AHDC1: variants seen among roughly 807,000 people sequenced by gnomAD.
AHDC1 encodes the protein transcription factor Gibbin.
Under a neutral mutation model 87.9 loss-of-function variants are expected in AHDC1, and 7 were observed. That is an observed-to-expected ratio of 0.08 (90% CI 0.05 to 0.15). The LOEUF (loss-of-function observed/expected upper bound fraction) is 0.15, where lower values mean the gene tolerates loss of function less well. AHDC1 is among the 10% of genes least tolerant of loss of function. The pLI is 1.00. For synonymous variants in AHDC1, 1,051 were observed against 1,006.8 expected (o/e 1.04, Z -0.83); for missense variants, 1,841 against 2,253.2 (o/e 0.82, Z 3.70).
intron 3 of AHDC1, among the ~76,000 whole-genome samples, chr1:27,575,728 G>A (rs1005077205): frequency 2.0e-5 from 3 of 151,734 alleles, no homozygotes; most frequent in Non-Finnish European, 4.4e-5. Flanking sequence ...GGCCGGGCGG[G>A]GGCCAAGCCG....
chr1:27,578,570 C>T (rs2088821959), intron 3 of AHDC1, among the ~76,000 whole-genome samples: 1 of 150,790 alleles, frequency 6.6e-6, no homozygotes, highest in South Asian at 2.1e-4. Context: ...GTGAGGGCAA[C>T]AGAGCAAGAC....
chr1:27,567,405 G>A (rs2020369969), intron 3 of AHDC1, among the ~76,000 whole-genome samples: 1 of 152,164 alleles, frequency 6.6e-6, no homozygotes, highest in Non-Finnish European at 1.5e-5. Context: ...GGGGGGCTGA[G>A]GTCTGCATCG....
rs989896087 is a variant in AHDC1 at position 27,565,321 on chromosome 1, A to G, written c.-628-6438T>C. 6.6e-6 allele frequency among the ~76,000 whole-genome samples: 1 copy of G among 151,632 alleles called. No individual in the cohort carries two copies. Among genetic ancestry groups the G allele is most frequent in the Non-Finnish European group, 1.5e-5 (1 of 67,872 alleles). On this transcript the variant is annotated intron_variant, in intron 3 of 8. Transcript: ENST00000673934. This position sits in a 1 kb window ranked among gnomAD's most constrained non-coding sequence, Gnocchi z 4.6. ...GGTCTGCCTGACCAGGCCTCACCACACCCAGAGGTGAGGCCTGACTCCCCT... is the reference window on the plus strand; with the variant it reads ...GGTCTGCCTGACCAGGCCTCACCACGCCCAGAGGTGAGGCCTGACTCCCCT...
intron 3 of AHDC1, among the ~76,000 whole-genome samples, chr1:27,566,883 GCA>G (rs1237317034): frequency 1.3e-5 from 2 of 152,000 alleles, no homozygotes; most frequent in Admixed American, 1.3e-4. Context: ...CACGGCAGGG[GCA>G]CAGTCTGCTG....
At chr1:27,552,358 AACC>A (rs2019617056) in intron 7 of AHDC1, 169 bp from the exon 8 acceptor site, 4 of 534,380 alleles carry the variant, frequency 7.5e-6, no homozygotes, top group Admixed American at 3.9e-5. Flanking sequence ...GCCTTTCTCA[AACC>A]ACCATGTGTA....
Position 27,547,908 on chromosome 1 carries a change from GAGC to G in AHDC1, c.4205_4207del (p.Cys1402del), listed in dbSNP as rs2019267290. On this transcript the variant is annotated inframe_deletion, in exon 8 of 9. Transcript: ENST00000673934. This position sits in a 1 kb window ranked among gnomAD's most constrained non-coding sequence, Gnocchi z 4.9. ...CTCTTCCTTGAAGCCCAGTGTAGGC[GAGC>G]AGGTGGGCGAGTATGCCTTCTGCAG... 1.3e-6 allele frequency: 2 copies of G among 1,567,058 alleles called. No individual in the cohort carries two copies. Among genetic ancestry groups the G allele is most frequent in the Non-Finnish European group, 1.7e-6 (2 of 1,152,914 alleles).
intron 3 of AHDC1, among the ~76,000 whole-genome samples, chr1:27,579,678 C>T (rs567113889): frequency 1.3e-5 from 2 of 152,296 alleles, no homozygotes; most frequent in Non-Finnish European, 2.9e-5. Context: ...GGTCCATGGC[C>T]TGTTGTCTGT....
In AHDC1 at chr1:27,558,985, A is replaced by C; in HGVS notation, c.-628-102T>G. On this transcript the variant is annotated intron_variant, in intron 3 of 8. Coordinates refer to ENST00000673934, the MANE Select transcript of AHDC1 (RefSeq NM_001371928.1). This position sits in a 1 kb window ranked among gnomAD's most constrained non-coding sequence, Gnocchi z 5.6. ...ACACTGAGCCAGGAAGCTCTCCTAC[A>C]TGGAGTCCCATCCACCTCCAACCTC... is the stretch of plus-strand genomic sequence containing the variant. 2.5e-6 allele frequency: 1 copy of C among 396,742 alleles called. No individual in the cohort carries two copies. The allele number at this position is 396,742 out of a possible 1,614,324, so 24.6% of individuals were successfully genotyped here.
At position 27,547,545 on chromosome 1, in the gene AHDC1, G is replaced by A; in HGVS notation, c.4571C>T (p.Pro1524Leu). 6.2e-7 allele frequency: 1 copy of A among 1,611,366 alleles called. No homozygotes were observed. Among genetic ancestry groups the A allele is most frequent in the Non-Finnish European group, 8.5e-7 (1 of 1,179,174 alleles). ...AGCAGGGCCACGGGGTGGGCCAGGGGGCCGGGCCATTTCCAGTGGCTCCTT... is the reference window on the plus strand; with the variant it reads ...AGCAGGGCCACGGGGTGGGCCAGGGAGCCGGGCCATTTCCAGTGGCTCCTT... ...ADKEPLEMARPPGPPRGPAAA... is the reference protein window; with the variant it reads ...ADKEPLEMARLPGPPRGPAAA... Residue 1524 changes from proline to leucine, a missense_variant, in exon 8 of 9, where the codon CCC becomes CTC. By Grantham distance (98) the Pro-to-Leu change is moderately conservative. Around this residue, in one of 13 missense-constraint regions of AHDC1, gnomAD observed 505 missense variants for 626.2 expected, o/e 0.81. Transcript: ENST00000673934. The surrounding 1 kb of genome is among the most constrained non-coding windows in gnomAD (Gnocchi z 4.9).
intron 8 of AHDC1, among the ~76,000 whole-genome samples, chr1:27,544,852 G>A (rs2019094325): frequency 6.6e-6 from 1 of 152,282 alleles, no homozygotes; most frequent in South Asian, 2.1e-4. Context: ...ACGGTGGCCT[G>A]GGGAATTCCA....
Position 27,563,194 on chromosome 1 carries a change from GCACA to G in AHDC1, c.-628-4315_-628-4312del, listed in dbSNP as rs1212517768. 5.5e-5 allele frequency among the ~76,000 whole-genome samples: 7 copies of G among 128,312 alleles called. No homozygotes were observed. Among genetic ancestry groups the G allele is most frequent in the Middle Eastern group, 4.2e-3 (1 of 236 alleles). The allele number at this position is 128,312 out of a possible 152,430, so 84.2% of individuals were successfully genotyped here. On this transcript the variant is annotated intron_variant, in intron 3 of 8. Coordinates refer to ENST00000673934, the MANE Select transcript of AHDC1 (RefSeq NM_001371928.1). This position sits in a 1 kb window ranked among gnomAD's most constrained non-coding sequence, Gnocchi z 6.1. ...ATAGTTGACCAAGACACACACACAT[GCACA>G]CACACACAGAACCTGTCACACAGCT...
At chr1:27,557,190 G>A (rs1312970073) in intron 5 of AHDC1, among the ~76,000 whole-genome samples, 19 of 141,720 alleles carry the variant, frequency 1.3e-4, no homozygotes, top group East Asian at 2.1e-4. Flanking sequence ...GGCTGGACCC[G>A]AGGGTCACCC....
chr1:27,538,638 T>G (rs2018760621), intron 8 of AHDC1, among the ~76,000 whole-genome samples: 1 of 151,614 alleles, frequency 6.6e-6, no homozygotes, highest in African/African-American at 2.4e-5. Context: ...TCTCAGCACC[T>G]TGAGTAGCTG....
intron 3 of AHDC1, among the ~76,000 whole-genome samples, chr1:27,585,755 C>A (rs1017693297): frequency 6.6e-6 from 1 of 152,154 alleles, no homozygotes; most frequent in African/African-American, 2.4e-5. Context: ...CTAATCCCCC[C>A]ACCCTAGTCC....
chr1:27,576,833 G>A (rs1323665694), intron 3 of AHDC1, among the ~76,000 whole-genome samples: 3 of 152,178 alleles, frequency 2.0e-5, no homozygotes, highest in Non-Finnish European at 2.9e-5. Context: ...TACAACAGTG[G>A]AGGCTGCTTT....
chr1:27,536,034 T>A (rs2018624671), intron 8 of AHDC1, among the ~76,000 whole-genome samples: 1 of 151,728 alleles, frequency 6.6e-6, no homozygotes, highest in Non-Finnish European at 1.5e-5. Flanking sequence ...ACCATCTCCA[T>A]CCGAATTAAA....
At chr1:27,567,376 G>A (rs1039889475) in intron 3 of AHDC1, among the ~76,000 whole-genome samples, 1 of 152,182 alleles carries the variant, frequency 6.6e-6, no homozygotes, top group South Asian at 2.1e-4. Context: ...CAGCTGAAGC[G>A]GCCGTCGGGG....
intron 3 of AHDC1, among the ~76,000 whole-genome samples, chr1:27,596,383 C>T (rs2089371920): frequency 6.6e-6 from 1 of 152,110 alleles, no homozygotes; most frequent in Non-Finnish European, 1.5e-5. Flanking sequence ...AACTGCACAG[C>T]AAACAGTCCT....
At chr1:27,539,612 A>G (rs2018813867) in intron 8 of AHDC1, among the ~76,000 whole-genome samples, 1 of 151,434 alleles carries the variant, frequency 6.6e-6, no homozygotes, top group Admixed American at 6.6e-5. Context: ...TGCCTGGCTA[A>G]TTTTTGTATT....
Sources: allele counts gnomAD v4.1 joint callset (sites outside exome capture counted in the v4.1 genomes callset), GRCh38; gene constraint gnomAD v4.1.1; regional missense constraint gnomAD v4.1.1; non-coding constraint Gnocchi (gnomAD v3.1); transcripts MANE v1.5; gene names NCBI Gene and HGNC (gene_info 2026-07-23, HGNC 2026-07-21).